Variants in ZNF536 observed in about 807,000 individuals in gnomAD.
ZNF536 encodes zinc finger protein 536.
A neutral mutation model predicts 84.5 loss-of-function variants in ZNF536; 13 were observed. That is an observed-to-expected ratio of 0.15 (90% CI 0.10 to 0.24). ZNF536 has a LOEUF of 0.24. Among genes scored for constraint, ZNF536 ranks in the 10% least tolerant of loss-of-function variants. The pLI is 1.00. For missense variants in ZNF536, 1,536 were observed against 1,747.5 expected, an observed-to-expected ratio of 0.88 and a Z score of 2.16; for synonymous variants, 811 against 742.5, an observed-to-expected ratio of 1.09 and a Z score of -1.50.
chr19:30,312,293 G>C (rs1439699649), intron 2 of ZNF536, among the ~76,000 whole-genome samples: 1 of 152,064 alleles, frequency 6.6e-6, no homozygotes, highest in South Asian at 2.1e-4. Flanking sequence ...ATGAACAGAG[G>C]GGGCGGGGAT....
chr19:30,455,811 A>G (rs1268892570), intron 2 of ZNF536, among the ~76,000 whole-genome samples: 2 of 152,244 alleles, frequency 1.3e-5, no homozygotes, highest in East Asian at 3.8e-4. Context: ...TGATCTATCA[A>G]ACTCGAGGTG....
At chr19:30,340,851 C>T (rs2047542840) in intron 2 of ZNF536, among the ~76,000 whole-genome samples, 1 of 152,154 alleles carries the variant, frequency 6.6e-6, no homozygotes, top group Non-Finnish European at 1.5e-5. Context: ...ATGTGAGCCT[C>T]TCAGAGAGAG....
intron 1 of ZNF536, among the ~76,000 whole-genome samples, chr19:30,598,673 T>A (rs2047550642): frequency 6.6e-6 from 1 of 152,140 alleles, no homozygotes; most frequent in Non-Finnish European, 1.5e-5. Context: ...TGGATAAACA[T>A]GGTGATTTTA....
At chr19:30,341,282 T>C (rs1222266719) in intron 2 of ZNF536, among the ~76,000 whole-genome samples, 2 of 152,252 alleles carry the variant, frequency 1.3e-5, no homozygotes, top group African/African-American at 4.8e-5. Context: ...AAAAATAGTT[T>C]GTTGAGATTG....
intron 2 of ZNF536, among the ~76,000 whole-genome samples, chr19:30,347,487 G>A (rs2047783813): frequency 1.3e-5 from 2 of 152,304 alleles, no homozygotes; most frequent in Middle Eastern, 3.4e-3. Flanking sequence ...TGGAAGTTGA[G>A]TATTTATGGG....
intron 2 of ZNF536, among the ~76,000 whole-genome samples, chr19:30,297,689 A>G (rs1300486809): frequency 1.3e-5 from 2 of 152,186 alleles, no homozygotes; most frequent in Non-Finnish European, 2.9e-5. Flanking sequence ...ACGAGTGGCC[A>G]GGAGCTGGGG....
At chr19:30,229,666 A>G (rs898515544) in intron 1 of ZNF536, among the ~76,000 whole-genome samples, 2 of 152,206 alleles carry the variant, frequency 1.3e-5, no homozygotes, top group Admixed American at 6.5e-5. Flanking sequence ...TTCTGGCTGA[A>G]GGCTGCTTTA....
intron 1 of ZNF536, among the ~76,000 whole-genome samples, chr19:30,266,399 G>A (rs909537562): frequency 1.3e-5 from 2 of 152,102 alleles, no homozygotes; most frequent in African/African-American, 4.8e-5. Context: ...TTGGCACCAT[G>A]TGGCCTGTCA....
At chr19:30,401,052 G>C (rs1323303439) in intron 1 of ZNF536, among the ~76,000 whole-genome samples, 2 of 152,032 alleles carry the variant, frequency 1.3e-5, no homozygotes, top group African/African-American at 2.4e-5. Flanking sequence ...TTAGGTCAAG[G>C]TTCTCTTTTT....
chr19:30,630,632 A>C (rs1439384475), intron 1 of ZNF536, among the ~76,000 whole-genome samples: 1 of 152,190 alleles, frequency 6.6e-6, no homozygotes, highest in African/African-American at 2.4e-5. Flanking sequence ...TCTGTTCTCC[A>C]GAAAGCCCTC....
intron 1 of ZNF536, among the ~76,000 whole-genome samples, chr19:30,666,393 G>C (rs373225077): frequency 6.6e-6 from 1 of 151,890 alleles, no homozygotes; most frequent in African/African-American, 2.4e-5. Flanking sequence ...CCCTTTCCCT[G>C]CCTCCTCCCT....
At chr19:30,563,822 G>A (rs545877496) in intron 1 of ZNF536, among the ~76,000 whole-genome samples, 7 of 152,338 alleles carry the variant, frequency 4.6e-5, no homozygotes, top group Admixed American at 2.6e-4. Flanking sequence ...GTGGTGGGAA[G>A]AGGGATTCCT....
chr19:30,616,219 G>A (rs1042394974), intron 1 of ZNF536, among the ~76,000 whole-genome samples: 33 of 152,118 alleles, frequency 2.2e-4, no homozygotes, highest in African/African-American at 5.1e-4. Flanking sequence ...AGAGAAATGC[G>A]CAGTAAGAGT....
At chr19:30,346,610 C>T (rs1244504334) in intron 2 of ZNF536, among the ~76,000 whole-genome samples, 5 of 152,168 alleles carry the variant, frequency 3.3e-5, no homozygotes, top group Non-Finnish European at 7.3e-5. Context: ...GTTTTCTATT[C>T]CTGTGTGAGT....
In ZNF536 at chr19:30,495,824, G is replaced by A. The variant is rs116651236; in HGVS notation, c.2171-39023G>A. ...GTGACTCAGAGAAGAAAGACACAAC[G>A]CAGGGAAAGTCACAGCAAGAGACTC... On this transcript the variant is annotated intron_variant, in intron 2 of 4. Coordinates refer to ENST00000355537, the MANE Select transcript of ZNF536 (RefSeq NM_014717.3). Among the ~76,000 whole-genome samples, 374 of 152,312 alleles carry A rather than the reference G, an allele frequency of 2.5e-3. 3 individuals carry two copies. Among genetic ancestry groups the A allele is most frequent in the African/African-American group, 8.4e-3 (348 of 41,558 alleles).
At chr19:30,244,013 A>C (rs991679647) in intron 1 of ZNF536, among the ~76,000 whole-genome samples, 5 of 152,036 alleles carry the variant, frequency 3.3e-5, no homozygotes, top group African/African-American at 1.2e-4. Context: ...GTGTGTATAC[A>C]CTCTTAAAGG....
chr19:30,539,889 G>C (rs1408811389), intron 3 of ZNF536, among the ~76,000 whole-genome samples: 1 of 152,142 alleles, frequency 6.6e-6, no homozygotes, highest in East Asian at 1.9e-4. Flanking sequence ...TTTCGGGATG[G>C]GGTTGTTGTC....
intron 1 of ZNF536, among the ~76,000 whole-genome samples, chr19:30,282,347 T>C (rs969457013): frequency 8.5e-5 from 13 of 152,358 alleles, no homozygotes; most frequent in African/African-American, 3.1e-4. Flanking sequence ...AGGCTTGTGC[T>C]GGGCCCTTTC....
At chr19:30,505,435 A>G (rs1414291724) in intron 2 of ZNF536, among the ~76,000 whole-genome samples, 2 of 148,168 alleles carry the variant, frequency 1.3e-5, no homozygotes, top group African/African-American at 4.9e-5. Flanking sequence ...TAGTTATATT[A>G]TCTCATACCT....
Sources: allele counts gnomAD v4.1 joint callset (sites outside exome capture counted in the v4.1 genomes callset), GRCh38; gene constraint gnomAD v4.1.1; transcripts MANE v1.5; gene names NCBI Gene and HGNC (gene_info 2026-07-23, HGNC 2026-07-21).